Variants in C7 observed in about 807,000 individuals in gnomAD.
C7 encodes complement component C7.
Under a neutral mutation model 104.8 loss-of-function variants are expected in C7, and 83 were observed. That is an observed-to-expected ratio of 0.79 (90% confidence interval 0.66 to 0.95). The LOEUF is 0.95. Among genes scored for constraint, C7 ranks in the 40% least tolerant of loss-of-function variants. The probability of loss-of-function intolerance (pLI) is 0.00; values close to 1 mark genes in which losing one functional copy is unlikely to be tolerated. For missense variants in C7, 1,070 were observed against 1,011.2 expected, an observed-to-expected ratio of 1.06 and a Z score of -0.79; for synonymous variants, 415 against 360.6, an observed-to-expected ratio of 1.15 and a Z score of -1.71.
chr5:40,959,813 T>C (rs1029174200), intron 12 of C7, among the ~76,000 whole-genome samples, 193 bp downstream of exon 12: 6 of 152,200 alleles, frequency 3.9e-5, no homozygotes, highest in African/African-American at 1.2e-4. Context: ...CTGAAACAAG[T>C]GTTACAAAAG....
intron 13 of C7, chr5:40,964,331 C>T (rs11948665): frequency 0.18 from 30,509 of 165,300 alleles, 3,580 homozygotes; most frequent in South Asian, 0.34. Flanking sequence ...GCATGAGACA[C>T]CATGCCCGGC....
At chr5:40,968,960 G>T (rs903783364) in intron 14 of C7, among the ~76,000 whole-genome samples, 3 of 151,824 alleles carry the variant, frequency 2.0e-5, no homozygotes, top group Non-Finnish European at 4.4e-5. Context: ...ACTGCATAGT[G>T]AATTTTTAAA....
intron 9 of C7, among the ~76,000 whole-genome samples, chr5:40,951,991 T>G (rs1740181093): frequency 6.6e-6 from 1 of 152,184 alleles, no homozygotes; most frequent in African/African-American, 2.4e-5. Context: ...GAAGTTGACA[T>G]GTCAGAGGAG....
intron 6 of C7, among the ~76,000 whole-genome samples, chr5:40,938,138 T>G (rs1579850142): frequency 6.6e-6 from 1 of 152,276 alleles, no homozygotes; most frequent in East Asian, 1.9e-4. Context: ...TGCCCTTATA[T>G]GCCCACCATC....
intron 17 of C7, chr5:40,980,417 T>A (rs1424105477): frequency 1.3e-5 from 2 of 152,342 alleles, no homozygotes; most frequent in Non-Finnish European, 2.9e-5. Context: ...AGAGGGGTGT[T>A]AAAAACATAC....
chr5:40,938,424 T>C (rs1739861483), intron 6 of C7, among the ~76,000 whole-genome samples: 1 of 152,334 alleles, frequency 6.6e-6, no homozygotes, highest in African/African-American at 2.4e-5. Context: ...ACTCATGCTG[T>C]TGCAGGTGGC....
At chr5:40,913,643 T>A (rs1739257508) in intron 1 of C7, among the ~76,000 whole-genome samples, 1 of 152,112 alleles carries the variant, frequency 6.6e-6, no homozygotes, top group African/African-American at 2.4e-5. Flanking sequence ...TATCTGGGCA[T>A]GTGCCACCAT....
At chr5:40,922,002 C>T (rs1329458709) in intron 1 of C7, among the ~76,000 whole-genome samples, 2 of 151,974 alleles carry the variant, frequency 1.3e-5, no homozygotes, top group Admixed American at 1.3e-4. Flanking sequence ...CATGCCATTG[C>T]ACTCCAGCCT....
At chr5:40,935,985 A>G (rs1176248662) in intron 4 of C7, among the ~76,000 whole-genome samples, 1 of 152,314 alleles carries the variant, frequency 6.6e-6, no homozygotes, top group South Asian at 2.1e-4. Flanking sequence ...GTCATCTTAG[A>G]ATGACAGAAA....
intron 4 of C7, among the ~76,000 whole-genome samples, chr5:40,935,550 A>G (rs1235636449): frequency 6.6e-6 from 1 of 152,222 alleles, no homozygotes; most frequent in Non-Finnish European, 1.5e-5. Flanking sequence ...TTGAAGGACA[A>G]GTAAGAGATA....
At chr5:40,940,998 T>G (rs1439391368) in intron 6 of C7, among the ~76,000 whole-genome samples, 1 of 152,036 alleles carries the variant, frequency 6.6e-6, no homozygotes. Flanking sequence ...TGTCTCATTC[T>G]ATATGTGGGT....
intron 6 of C7, among the ~76,000 whole-genome samples, chr5:40,943,556 G>A (rs1302422570): frequency 6.8e-6 from 1 of 147,456 alleles, no homozygotes. Context: ...GGCGGAAATA[G>A]GCTAATTTTT....
At chr5:40,961,219 T>C (rs542175780) in intron 12 of C7, among the ~76,000 whole-genome samples, 1 of 152,358 alleles carries the variant, frequency 6.6e-6, no homozygotes, top group South Asian at 2.1e-4. Flanking sequence ...ATTTGAACTT[T>C]CTGTGCCATT....
intron 5 of C7, 72 bp from the exon 6 acceptor site, chr5:40,937,480 T>C: frequency 1.3e-6 from 2 of 1,495,568 alleles, no homozygotes; most frequent in African/African-American, 1.4e-5. Context: ...TAAACTTTTT[T>C]CCCCACCAAG....
intron 5 of C7, 43 bp from the exon 6 acceptor site, chr5:40,937,509 A>C (rs755681172): frequency 6.4e-7 from 1 of 1,552,742 alleles, no homozygotes; most frequent in Non-Finnish European, 8.7e-7. Context: ...CTGGTTTTTA[A>C]CGGCTTTTTA....
chr5:40,928,168 A>T (rs1739599865), intron 1 of C7, among the ~76,000 whole-genome samples: 1 of 152,224 alleles, frequency 6.6e-6, no homozygotes, highest in African/African-American at 2.4e-5. Flanking sequence ...CAGGAAGACA[A>T]ATAGCACGTG....
chr5:40,931,126 G>A lies in C7; in HGVS notation c.125G>A (p.Cys42Tyr). ...FYAPWSECNG[C>Y]TKTQTRRRSV... ...GCCCCTTGGTCAGAATGCAATGGCT[G>A]TACCAAGACTCAGGTAGGACCATGC... is the stretch of plus-strand genomic sequence containing the variant. The change falls in exon 3 of 18, where the codon TGT becomes TAT. Residue 42 changes from cysteine (C) to tyrosine (Y), a missense_variant. Transcript: ENST00000313164. The A allele has an allele frequency of 1.2e-6, 2 of 1,612,720 alleles. No homozygotes were observed. Among genetic ancestry groups the A allele is most frequent in the Non-Finnish European group, 1.7e-6 (2 of 1,178,826 alleles).
intron 12 of C7, among the ~76,000 whole-genome samples, chr5:40,959,859 C>T (rs908870327): frequency 3.3e-5 from 5 of 152,184 alleles, no homozygotes; most frequent in Non-Finnish European, 5.9e-5. Context: ...TGAGTGGATA[C>T]GATCATTCTC....
In C7 at chr5:40,958,061, A is replaced by G. The variant is rs1740333264; in HGVS notation, c.1289A>G (p.Glu430Gly). The G allele has an allele frequency of 6.2e-7, 1 of 1,613,354 alleles. No homozygotes were observed. Among genetic ancestry groups the G allele is most frequent in the African/African-American group, 1.3e-5 (1 of 74,908 alleles). ...ACACCTTTATATGAGCTGGTAAAGG[A>G]AGTACCTTGTGCCTCTGTGAAAAAA... ...KLTPLYELVK[E>G]VPCASVKKLY... Residue 430 changes from glutamate (E) to glycine (G), a missense_variant, in exon 11 of 18, where the codon GAA (glutamate) becomes GGA (glycine). By Grantham distance (98) the Glu-to-Gly change is moderately conservative. Transcript: ENST00000313164.
Sources: allele counts gnomAD v4.1 joint callset (sites outside exome capture counted in the v4.1 genomes callset), GRCh38; gene constraint gnomAD v4.1.1; transcripts MANE v1.5; gene names NCBI Gene and HGNC (gene_info 2026-07-23, HGNC 2026-07-21).